The following CLVS1 variants were observed in gnomAD, a reference collection of about 807,000 sequenced individuals.
The protein encoded by CLVS1 is clavesin-1.
CLVS1 carries 10 observed loss-of-function variants against 33.1 expected under a neutral mutation model. The observed-to-expected ratio is 0.30, with a 90% CI of 0.19 to 0.51. The LOEUF (loss-of-function observed/expected upper bound fraction) is 0.51. Ranked by LOEUF, CLVS1 falls within the 20% of genes least tolerant of loss-of-function variation. CLVS1 has a pLI of 0.97. For missense variants in CLVS1, 343 were observed against 433.4 expected, an observed-to-expected ratio of 0.79 and a Z score of 1.85; for synonymous variants, 163 against 166.1, an observed-to-expected ratio of 0.98 and a Z score of 0.14.
rs80218182 is a variant in CLVS1 at position 61,288,068 on chromosome 8, C to T, written c.-222C>T. The T allele has an allele frequency of 2.5e-3, 1,138 of 455,794 alleles. 9 individuals carry two copies. The highest frequency in any genetic ancestry group is 0.02 in the African/African-American group (1,014 of 50,182). 28.2% of individuals were successfully genotyped at this position (455,794 alleles called of 1,614,324 possible). On this transcript the variant is annotated 5_prime_UTR_variant, in exon 1 of 6. Coordinates refer to ENST00000325897, the MANE Select transcript of CLVS1 (RefSeq NM_173519.3). Reference sequence around the variant, plus strand: ...GAACCTGCCAGAATAGGGGATCTCACCCACCCAGTTCAGCAGCGAGGACAC... The same window carrying T: ...GAACCTGCCAGAATAGGGGATCTCATCCACCCAGTTCAGCAGCGAGGACAC...
At chr8:61,442,249 C>A (rs1056739314) in intron 3 of CLVS1, among the ~76,000 whole-genome samples, 2 of 152,154 alleles carry the variant, frequency 1.3e-5, no homozygotes, top group African/African-American at 4.8e-5. Flanking sequence ...TCCAGAGATT[C>A]ACCCAGGTTG....
intron 2 of CLVS1, among the ~76,000 whole-genome samples, chr8:61,350,157 T>C (rs911649814): frequency 1.3e-5 from 2 of 152,150 alleles, no homozygotes; most frequent in African/African-American, 2.4e-5. Flanking sequence ...TTTATACATG[T>C]TTATTTTATT....
the CLVS1 span, among the ~76,000 whole-genome samples, chr8:61,045,880 G>A: frequency 6.6e-6 from 1 of 152,146 alleles, no homozygotes; most frequent in African/African-American, 2.4e-5. Context: ...TATAGATTCT[G>A]GATATTAGCC....
chr8:61,011,753 TCA>T, the CLVS1 span, among the ~76,000 whole-genome samples: 1 of 152,150 alleles, frequency 6.6e-6, no homozygotes, highest in African/African-American at 2.4e-5. Context: ...AGCCCATGTC[TCA>T]GTTTTTAATA....
At chr8:61,142,792 G>A (rs191424471) in intron 2 of CLVS1, among the ~76,000 whole-genome samples, 72 of 152,204 alleles carry the variant, frequency 4.7e-4, no homozygotes, top group Non-Finnish European at 9.4e-4. Flanking sequence ...ATGCCAGGAG[G>A]GATTGCTCCT....
chr8:61,476,309 A>G (rs7823379), intron 5 of CLVS1, among the ~76,000 whole-genome samples: 86,483 of 151,938 alleles, frequency 0.57, 28,200 homozygotes, highest in Non-Finnish European at 0.72. Context: ...TGAACTTTAA[A>G]GTAGTTTTTT....
chr8:61,020,114 A>G, the CLVS1 span, among the ~76,000 whole-genome samples: 3 of 152,254 alleles, frequency 2.0e-5, no homozygotes, highest in Non-Finnish European at 4.4e-5. Flanking sequence ...ATGAAGGACC[A>G]TAAATGGTGG....
chr8:61,441,613 G>T (rs1816548602), intron 3 of CLVS1, among the ~76,000 whole-genome samples: 1 of 152,186 alleles, frequency 6.6e-6, no homozygotes, highest in African/African-American at 2.4e-5. Context: ...ACAAATCTTA[G>T]AAAATGGCAC....
At chr8:61,062,464 G>A (rs1479052942) in intron 1 of CLVS1, among the ~76,000 whole-genome samples, 5 of 152,212 alleles carry the variant, frequency 3.3e-5, no homozygotes, top group African/African-American at 7.2e-5. Context: ...TTTCTCTACA[G>A]TCAGTAGGAA....
At chr8:61,060,994 T>C (rs1253755218) in intron 1 of CLVS1, among the ~76,000 whole-genome samples, 3 of 152,200 alleles carry the variant, frequency 2.0e-5, no homozygotes, top group African/African-American at 7.2e-5. Context: ...GGTTGTGTTT[T>C]TATAGCCTCC....
intron 2 of CLVS1, among the ~76,000 whole-genome samples, chr8:61,356,717 A>G (rs1453277438): frequency 6.6e-6 from 1 of 152,198 alleles, no homozygotes; most frequent in Non-Finnish European, 1.5e-5. Context: ...CAAAAGTCAG[A>G]TAGTTGTAGA....
intron 1 of CLVS1, chr8:61,090,826 G>A (rs936742888): frequency 8.1e-5 from 42 of 516,064 alleles, no homozygotes; most frequent in African/African-American, 3.1e-4. Flanking sequence ...ATCTGTACCC[G>A]ATTTAGATGA....
intron 1 of CLVS1, among the ~76,000 whole-genome samples, chr8:61,292,889 A>G (rs1284265767): frequency 1.3e-5 from 2 of 152,190 alleles, no homozygotes; most frequent in African/African-American, 4.8e-5. Context: ...AAACTGCAAA[A>G]TGGTTCTAGA....
Position 61,389,910 on chromosome 8 carries a change from G to A in CLVS1, c.630+13131G>A, listed in dbSNP as rs921829533. 9.9e-5 allele frequency among the ~76,000 whole-genome samples: 15 copies of A among 152,168 alleles called. 1 individual carries two copies. The highest frequency in any genetic ancestry group is 3.1e-4 in the African/African-American group (13 of 41,434). On this transcript the variant is annotated intron_variant, in intron 3 of 5. Coordinates refer to ENST00000325897, the MANE Select transcript of CLVS1 (RefSeq NM_173519.3). ...AATTATTAATACTAATTTTTTGAGG[G>A]TTTACGAGAGTAAAAAAGTCATTTT... is the stretch of plus-strand genomic sequence containing the variant.
At chr8:61,420,559 A>G (rs145154645) in intron 3 of CLVS1, among the ~76,000 whole-genome samples, 2,018 of 152,168 alleles carry the variant, frequency 0.013, 44 homozygotes, top group African/African-American at 0.047. Flanking sequence ...CCGAGATCGC[A>G]CCACTGCACT....
intron 2 of CLVS1, among the ~76,000 whole-genome samples, chr8:61,358,311 T>C (rs1166266776): frequency 6.6e-6 from 1 of 152,242 alleles, no homozygotes; most frequent in Non-Finnish European, 1.5e-5. Context: ...AATCAACATA[T>C]AATTATATTG....
chr8:61,124,412 G>T (rs1215504375), intron 1 of CLVS1, among the ~76,000 whole-genome samples: 7 of 152,180 alleles, frequency 4.6e-5, no homozygotes, highest in Non-Finnish European at 8.8e-5. Context: ...TTTAAAGCTG[G>T]TTCATACCTG....
intron 2 of CLVS1, among the ~76,000 whole-genome samples, chr8:61,358,433 G>A (rs1409791403): frequency 6.6e-6 from 1 of 152,082 alleles, no homozygotes; most frequent in Non-Finnish European, 1.5e-5. Context: ...ATCTGCTCAG[G>A]CTTAGTCGAT....
At chr8:60,983,708 CA>C in the CLVS1 span, among the ~76,000 whole-genome samples, 1 of 152,176 alleles carries the variant, frequency 6.6e-6, no homozygotes, top group African/African-American at 2.4e-5. Context: ...GGTGCCTTGG[CA>C]GAGGGAATTG....
Sources: allele counts gnomAD v4.1 joint callset (sites outside exome capture counted in the v4.1 genomes callset), GRCh38; gene constraint gnomAD v4.1.1; transcripts MANE v1.5; gene names NCBI Gene and HGNC (gene_info 2026-07-23, HGNC 2026-07-21).